The following MAST4 variants were observed in gnomAD, a reference collection of about 807,000 sequenced individuals.
MAST4 encodes microtubule-associated serine/threonine-protein kinase 4.
Under a neutral mutation model 162.7 loss-of-function variants are expected in MAST4, and 89 were observed. That is an observed-to-expected ratio of 0.55 (90% CI 0.46 to 0.65). The LOEUF (loss-of-function observed/expected upper bound fraction) is 0.65. MAST4 is among the 30% of genes least tolerant of loss of function. The pLI is 0.00. For missense variants in MAST4, 3,153 were observed against 3,374.0 expected, an observed-to-expected ratio of 0.93 and a Z score of 1.62; for synonymous variants, 1,479 against 1,361.1, an observed-to-expected ratio of 1.09 and a Z score of -1.91.
intron 3 of MAST4, chr5:66,789,710 G>A (rs772062113): frequency 9.6e-6 from 5 of 518,700 alleles, no homozygotes; most frequent in Non-Finnish European, 1.9e-5. Flanking sequence ...CAGTCAAAGT[G>A]TTGCCTGATT....
intron 4 of MAST4, among the ~76,000 whole-genome samples, chr5:66,978,054 ATTGC>A (rs1441806035): frequency 6.6e-6 from 1 of 152,204 alleles, no homozygotes; most frequent in Non-Finnish European, 1.5e-5. Flanking sequence ...TTTTATATTG[ATTGC>A]TTATTTTGAG....
chr5:66,656,578 G>A (rs1473269476), intron 1 of MAST4, among the ~76,000 whole-genome samples: 1 of 152,080 alleles, frequency 6.6e-6, no homozygotes, highest in Non-Finnish European at 1.5e-5. Context: ...GAAGACTGTG[G>A]GGGTGGGACT....
chr5:67,161,796 A>G, intron 27 of MAST4, among the ~76,000 whole-genome samples: 1 of 152,220 alleles, frequency 6.6e-6, no homozygotes, highest in Non-Finnish European at 1.5e-5. Flanking sequence ...TATGCTTTAT[A>G]TTTTGGCTGT....
Position 66,711,421 on chromosome 5 carries a change from G to A in MAST4, c.364-48288G>A, listed in dbSNP as rs575617953. On this transcript the variant is annotated intron_variant, in intron 1 of 28. Transcript: ENST00000403625. Reference sequence around the variant, plus strand: ...ACTTTTCCAGCTTCTGATGGCCGCCGAGATTCTTTGGCATGTGGCCCCTTC... The same window carrying A: ...ACTTTTCCAGCTTCTGATGGCCGCCAAGATTCTTTGGCATGTGGCCCCTTC... Among the ~76,000 whole-genome samples, 26 of 152,180 alleles carry A rather than the reference G, an allele frequency of 1.7e-4. No homozygotes were observed. In the South Asian group the frequency reaches 5.0e-3, roughly 29 times the overall value.
chr5:66,659,401 C>T (rs1262785296), intron 1 of MAST4, among the ~76,000 whole-genome samples: 1 of 152,200 alleles, frequency 6.6e-6, no homozygotes, highest in Non-Finnish European at 1.5e-5. Flanking sequence ...ATGTATCCAT[C>T]TCATTTGGAT....
At position 67,137,071 on chromosome 5, in the gene MAST4, C is replaced by A. The variant is rs370128817; in HGVS notation, c.2494+407C>A. Among the ~76,000 whole-genome samples, 5 of 152,118 alleles carry A rather than the reference C, an allele frequency of 3.3e-5. 1 individual carries two copies. The South Asian group carries it at 1.0e-3, about 31-fold the overall frequency. On this transcript the variant is annotated intron_variant, in intron 19 of 28. Coordinates refer to ENST00000403625, the MANE Select transcript of MAST4 (RefSeq NM_001164664.2). ...GTTTTTGTCTTTAAATATACATCCC[C>A]ATACGGATTTGACCCAGCACGTTAC...
At chr5:66,866,775 G>A (rs565945707) in intron 3 of MAST4, among the ~76,000 whole-genome samples, 7 of 152,062 alleles carry the variant, frequency 4.6e-5, no homozygotes, top group South Asian at 2.1e-4. Flanking sequence ...TTTTGAGCCC[G>A]GGTCTCGCCC....
chr5:67,149,907 T>A (rs1409263839), intron 24 of MAST4, among the ~76,000 whole-genome samples: 2 of 152,226 alleles, frequency 1.3e-5, no homozygotes, highest in East Asian at 1.9e-4. Context: ...AATGATAAAT[T>A]TTCCTTCCTT....
intron 3 of MAST4, among the ~76,000 whole-genome samples, chr5:66,800,017 AGAG>A (rs921064459): frequency 2.0e-5 from 3 of 152,216 alleles, no homozygotes; most frequent in African/African-American, 7.2e-5. Context: ...ATCTTGGACA[AGAG>A]GAGCTGATGT....
At chr5:67,138,893 C>A (rs1581693154) in intron 19 of MAST4, among the ~76,000 whole-genome samples, 1 of 152,142 alleles carries the variant, frequency 6.6e-6, no homozygotes, top group African/African-American at 2.4e-5. Flanking sequence ...TGTATTTACT[C>A]CTCCAGGAAA....
At chr5:66,902,537 C>A in intron 4 of MAST4, 2 of 210,856 alleles carry the variant, frequency 9.5e-6, no homozygotes, top group South Asian at 6.2e-5. Context: ...TATAAAAAAG[C>A]AAACTATTCT....
chr5:66,724,577 C>T (rs74984214), intron 1 of MAST4, among the ~76,000 whole-genome samples: 102 of 152,176 alleles, frequency 6.7e-4, no homozygotes, highest in African/African-American at 2.2e-3. Context: ...TTTGTCATTT[C>T]GCAAACATCA....
intron 2 of MAST4, among the ~76,000 whole-genome samples, chr5:66,766,328 C>T (rs980544122): frequency 6.6e-6 from 1 of 152,034 alleles, no homozygotes; most frequent in Non-Finnish European, 1.5e-5. Context: ...AGACAAAAAT[C>T]TATATATATG....
Position 66,928,603 on chromosome 5 carries a change from AACCTAGAAACCTCCCAGCTGTTTATAAC to A in MAST4, c.674+28623_674+28650del, listed in dbSNP as rs570682332. ...CCTGTTAAATTGGCCTTTGTGGGTA[AACCTAGAAACCTCCCAGCTGTTTATAAC>A]ATTGTTTCTCTGAGAATGTGGTCTG... On this transcript the variant is annotated intron_variant, in intron 4 of 28. Coordinates refer to ENST00000403625, the MANE Select transcript of MAST4 (RefSeq NM_001164664.2). 3.6e-3 allele frequency among the ~76,000 whole-genome samples: 541 copies of A among 152,316 alleles called. 1 individual carries two copies. Among genetic ancestry groups the A allele is most frequent in the African/African-American group, 0.012 (515 of 41,566 alleles).
intron 5 of MAST4, among the ~76,000 whole-genome samples, chr5:67,077,604 C>T (rs1197223578): frequency 6.6e-6 from 1 of 152,140 alleles, no homozygotes; most frequent in Non-Finnish European, 1.5e-5. Context: ...CTACAACTCC[C>T]CGTCCATAAC....
chr5:67,008,104 T>C (rs1042813833), intron 4 of MAST4, among the ~76,000 whole-genome samples: 13 of 152,384 alleles, frequency 8.5e-5, no homozygotes, highest in African/African-American at 3.1e-4. Context: ...GTTCCTTCTA[T>C]ATAACTGGCT....
At chr5:66,935,670 CTTTCT>C (rs932512589) in intron 4 of MAST4, among the ~76,000 whole-genome samples, 1 of 146,528 alleles carries the variant, frequency 6.8e-6, no homozygotes, top group African/African-American at 2.6e-5. Flanking sequence ...TTCTTTCTTT[CTTTCT>C]TTTTTTTTTT....
At chr5:66,720,071 G>A (rs530353449) in intron 1 of MAST4, among the ~76,000 whole-genome samples, 2 of 152,178 alleles carry the variant, frequency 1.3e-5, no homozygotes, top group South Asian at 4.1e-4. Context: ...TGAGGTTAAC[G>A]CAAAGGCCTT....
intron 1 of MAST4, among the ~76,000 whole-genome samples, chr5:66,637,710 T>C (rs1745214427): frequency 6.6e-6 from 1 of 152,174 alleles, no homozygotes; most frequent in Non-Finnish European, 1.5e-5. Context: ...TCTTTTTCTT[T>C]CTTTTTTTCT....
Sources: gnomAD v4.1 joint callset for allele counts (sites outside exome capture counted in the v4.1 genomes callset) on GRCh38, gnomAD v4.1.1 for gene constraint, MANE v1.5 for transcripts, NCBI Gene and HGNC (gene_info 2026-07-23, HGNC 2026-07-21) for gene names.